The following RFT1 variants were observed in gnomAD, a reference collection of about 807,000 sequenced individuals.
RFT1 encodes RFT1 glycolipid translocator homolog.
A neutral mutation model predicts 62.2 loss-of-function variants in RFT1; 43 were observed. That is an observed-to-expected ratio of 0.69 (90% CI 0.54 to 0.89). The LOEUF is 0.89. Ranked by LOEUF, RFT1 falls within the 40% of genes least tolerant of loss-of-function variation. RFT1 has a pLI of 0.00. For missense variants in RFT1, 605 were observed against 649.9 expected, an observed-to-expected ratio of 0.93 and a Z score of 0.75; for synonymous variants, 262 against 264.6, an observed-to-expected ratio of 0.99 and a Z score of 0.10.
chr3:53,110,193 C>T (rs960663437), intron 7 of RFT1, among the ~76,000 whole-genome samples: 2 of 152,222 alleles, frequency 1.3e-5, no homozygotes, highest in Non-Finnish European at 2.9e-5. Flanking sequence ...GCTCTTAAAA[C>T]CTTGGAAGGA....
chr3:53,103,805 AG>A, intron 10 of RFT1, 147 bp downstream of exon 10: 1 of 975,638 alleles, frequency 1.0e-6, no homozygotes, highest in Non-Finnish European at 1.6e-6. Flanking sequence ...GAGTTGAACG[AG>A]GGGAACAGTC....
At chr3:53,079,176 G>A in the RFT1 span, among the ~76,000 whole-genome samples, 144 of 152,348 alleles carry the variant, frequency 9.5e-4, no homozygotes, top group Admixed American at 7.4e-3. Context: ...ATAGAAATGA[G>A]GGAGGCCTTT....
At chr3:53,108,267 G>C (rs1216826827) in intron 7 of RFT1, among the ~76,000 whole-genome samples, 1 of 151,710 alleles carries the variant, frequency 6.6e-6, no homozygotes, top group Non-Finnish European at 1.5e-5. Flanking sequence ...GGCCAGGCCA[G>C]TTTCGAACTC....
At chr3:53,084,056 G>A (rs1216691001), downstream of RFT1, among the ~76,000 whole-genome samples, 3 of 152,208 alleles carry the variant, frequency 2.0e-5, no homozygotes, top group African/African-American at 7.2e-5. Flanking sequence ...TTTCCTTCTG[G>A]CTGCAATGTC....
chr3:53,102,082 C>T (rs557710161), intron 10 of RFT1, among the ~76,000 whole-genome samples: 35 of 151,814 alleles, frequency 2.3e-4, no homozygotes, highest in Admixed American at 7.2e-4. Context: ...GAGGCAGACA[C>T]GTGCAGGGAG....
chr3:53,114,797 G>A (rs1701748639), intron 6 of RFT1, among the ~76,000 whole-genome samples: 1 of 152,102 alleles, frequency 6.6e-6, no homozygotes, highest in African/African-American at 2.4e-5. Context: ...GTAACTCCAG[G>A]GAAGGTCTGG....
Position 53,125,978 on chromosome 3 carries a change from A to G in RFT1, c.80T>C (p.Ile27Thr). 1 of 1,613,580 alleles carries G rather than the reference A, an allele frequency of 6.2e-7. No individual in the cohort carries two copies. The highest frequency in any genetic ancestry group is 1.7e-5 in the Admixed American group (1 of 59,992). Residue 27 changes from isoleucine to threonine, a missense_variant, in exon 2 of 13, where the codon ATC becomes ACC. Transcript: ENST00000296292. ...GLLLQVLFRL[I>T]TFVLNAFILR... ...AATAAATGCATTCAAGACAAAGGTG[A>G]TCAACCGAAACAACACCTATAGAAA...
In RFT1 at chr3:53,123,860, A is replaced by C; in HGVS notation, c.150-20T>G. On this transcript the variant is annotated intron_variant, in intron 2 of 12. Coordinates refer to ENST00000296292, the MANE Select transcript of RFT1 (RefSeq NM_052859.4). Reference sequence around the variant, plus strand: ...GTTAGTCTGTAAATGAAAGGGAGAAATCAATAAGGTCTCAAGTTTTTTCAT... The same window carrying C: ...GTTAGTCTGTAAATGAAAGGGAGAACTCAATAAGGTCTCAAGTTTTTTCAT... 1 of 1,581,794 alleles carries C rather than the reference A, an allele frequency of 6.3e-7. No homozygotes were observed. Among genetic ancestry groups the C allele is most frequent in the Non-Finnish European group, 8.7e-7 (1 of 1,150,708 alleles).
intron 1 of RFT1, among the ~76,000 whole-genome samples, 170 bp downstream of exon 1, chr3:53,130,168 G>A (rs1183862590): frequency 6.6e-6 from 1 of 152,216 alleles, no homozygotes; most frequent in East Asian, 1.9e-4. Context: ...CTCCGGGCCA[G>A]GGTCCCCCCT....
chr3:53,070,974 G>A, the RFT1 span, among the ~76,000 whole-genome samples: 8 of 151,882 alleles, frequency 5.3e-5, no homozygotes, highest in South Asian at 4.2e-4. Flanking sequence ...CAGATGATCC[G>A]CCCACTTTGG....
At position 53,113,699 on chromosome 3, in the gene RFT1, AT is replaced by A. The variant is rs372830320; in HGVS notation, c.697-1792del. On this transcript the variant is annotated intron_variant, in intron 6 of 12. Transcript: ENST00000296292. ...TCAACAAGTAATCCCTGTAAAAAAT[AT>A]TTTTTTTCATATTAAGACTTTGAAA... is the stretch of plus-strand genomic sequence containing the variant. Among the ~76,000 whole-genome samples, 136 of 152,212 alleles carry A rather than the reference AT, an allele frequency of 8.9e-4. 1 individual carries two copies. The South Asian group carries it at 0.011, about 12-fold the overall frequency.
At chr3:53,079,246 A>G in the RFT1 span, among the ~76,000 whole-genome samples, 28 of 152,246 alleles carry the variant, frequency 1.8e-4, no homozygotes, top group East Asian at 7.7e-4. Context: ...TGACAATGAG[A>G]AGGAGGAAGA....
At chr3:53,120,411 A>G (rs1701937420) in intron 5 of RFT1, among the ~76,000 whole-genome samples, 2 of 152,230 alleles carry the variant, frequency 1.3e-5, no homozygotes, top group South Asian at 4.1e-4. Flanking sequence ...GTTAATATCC[A>G]AGGACTTGCC....
Position 53,090,222 on chromosome 3 carries a change from AG to A in RFT1, c.*1680del. The A allele has an allele frequency of 6.5e-6, 1 of 152,806 alleles. No homozygotes were observed. The highest frequency in any genetic ancestry group is 1.9e-4 in the East Asian group (1 of 5,188). 9.5% of individuals were successfully genotyped at this position (152,806 alleles called of 1,614,324 possible). A position where few individuals can be genotyped will look rare whatever the true frequency, so the allele number is the denominator to read the frequency against. On this transcript the variant is annotated 3_prime_UTR_variant, in exon 13 of 13. Transcript: ENST00000296292. ...GGTCAGGTGGGCACGGGATAGGTGC[AG>A]GGTTCCGGGAGGGTGATCAGCAGCT...
chr3:53,097,035 G>A (rs543973708), intron 11 of RFT1, among the ~76,000 whole-genome samples: 35 of 152,234 alleles, frequency 2.3e-4, no homozygotes, highest in African/African-American at 6.7e-4. Flanking sequence ...GTGAGCCACC[G>A]TGCCCGGCCC....
intron 3 of RFT1, among the ~76,000 whole-genome samples, 196 bp from the exon 4 acceptor site, chr3:53,122,759 T>C (rs1012219411): frequency 1.3e-5 from 2 of 152,102 alleles, no homozygotes; most frequent in Non-Finnish European, 2.9e-5. Context: ...TCTGTCATTA[T>C]CTCCATTAAA....
chr3:53,127,728 G>C (rs1400915196), intron 1 of RFT1, among the ~76,000 whole-genome samples: 7 of 151,880 alleles, frequency 4.6e-5, no homozygotes, highest in Admixed American at 4.6e-4. Context: ...TTGAAGCCAG[G>C]AATTTGAGAC....
At chr3:53,085,877 A>G (rs1057278361), downstream of RFT1, 3 of 152,238 alleles carry the variant, frequency 2.0e-5, no homozygotes. Context: ...AGAAGTATTT[A>G]TAAGTCTTCC....
intron 6 of RFT1, among the ~76,000 whole-genome samples, chr3:53,114,792 T>A (rs1316336514): frequency 2.8e-4 from 42 of 152,080 alleles, no homozygotes; most frequent in Admixed American, 2.8e-3. Flanking sequence ...GGATGGTAAC[T>A]CCAGGGAAGG....
Sources: gnomAD v4.1 joint callset for allele counts (sites outside exome capture counted in the v4.1 genomes callset) on GRCh38, gnomAD v4.1.1 for gene constraint, MANE v1.5 for transcripts, NCBI Gene and HGNC (gene_info 2026-07-23, HGNC 2026-07-21) for gene names.